TRMT44: variants seen among roughly 807,000 people sequenced by gnomAD.
TRMT44 encodes tRNA methyltransferase 44 homolog.
In TRMT44, 78 loss-of-function variants were observed where a neutral mutation model predicts 77.3. The observed-to-expected ratio is 1.01, with a 90% confidence interval of 0.84 to 1.22. The LOEUF is 1.22. TRMT44 is among the 50% of genes most tolerant of loss of function. The probability of loss-of-function intolerance (pLI) is 0.00; values close to 1 mark genes in which losing one functional copy is unlikely to be tolerated. For missense variants in TRMT44, 1,090 were observed against 964.4 expected, an observed-to-expected ratio of 1.13 and a Z score of -1.73; for synonymous variants, 391 against 383.3, an observed-to-expected ratio of 1.02 and a Z score of -0.23.
the TRMT44 span, among the ~76,000 whole-genome samples, chr4:8,505,735 C>G: frequency 1.3e-5 from 2 of 152,208 alleles, no homozygotes; most frequent in Non-Finnish European, 2.9e-5. Flanking sequence ...ACCCAAATGT[C>G]ATCTTGAATT....
chr4:8,449,053 T>A (rs1374836991), intron 2 of TRMT44, among the ~76,000 whole-genome samples: 1 of 152,228 alleles, frequency 6.6e-6, no homozygotes, highest in African/African-American at 2.4e-5. Context: ...CCGCCAGTCC[T>A]CCCAAGGATT....
Position 8,485,507 on chromosome 4 carries a change from C to T in TRMT44, n.3891+5974C>T, listed in dbSNP as rs1336583402. Among the ~76,000 whole-genome samples the T allele has an allele frequency of 2.0e-5, 3 of 152,078 alleles. No homozygotes were observed. In the East Asian group the frequency reaches 5.8e-4, roughly 29 times the overall value. On this transcript the variant is annotated intron_variant and non_coding_transcript_variant, in intron 2 of 2. Transcript: ENST00000511366. ...CAGGCTTTAATCCTTTTAAAGCGTG[C>T]TGTGGGATGGGATATTGGCATTGAG...
At position 8,469,325 on chromosome 4, in the gene TRMT44, C is replaced by G. The variant is rs1726825325; in HGVS notation, c.1927+979C>G. 2.0e-5 allele frequency among the ~76,000 whole-genome samples: 3 copies of G among 152,202 alleles called. No individual in the cohort carries two copies. In the South Asian group the frequency reaches 6.2e-4, roughly 31 times the overall value. On this transcript the variant is annotated intron_variant, in intron 9 of 10. Transcript: ENST00000389737. ...TGCAAACCACCAGGCACCGTGGGGC[C>G]TCTGGGTTGGCCCTGCTGACTAAAG...
At chr4:8,502,363 C>G in the TRMT44 span, among the ~76,000 whole-genome samples, 1 of 152,222 alleles carries the variant, frequency 6.6e-6, no homozygotes, top group African/African-American at 2.4e-5. Context: ...GAGGAAGCTT[C>G]TGAATATTTC....
rs1041677785 is a variant in TRMT44 at position 8,454,514 on chromosome 4, C to T, written c.1132-228C>T. 11 of 587,830 alleles carry T rather than the reference C, an allele frequency of 1.9e-5. No individual in the cohort carries two copies. The African/African-American group carries it at 2.1e-4, about 11-fold the overall frequency. 36.4% of individuals were successfully genotyped at this position (587,830 alleles called of 1,614,324 possible). On this transcript the variant is annotated intron_variant, in intron 5 of 10. Transcript: ENST00000389737. ...AGCTTGGTACCACCAGACTGGGCTGCAGGTTCCAGCTGTTGCTGCTAGCAG... is the reference window on the plus strand; with the variant it reads ...AGCTTGGTACCACCAGACTGGGCTGTAGGTTCCAGCTGTTGCTGCTAGCAG...
At chr4:8,492,635 A>G (rs938335856) in intron 2 of TRMT44, among the ~76,000 whole-genome samples, 2 of 152,196 alleles carry the variant, frequency 1.3e-5, no homozygotes, top group Non-Finnish European at 2.9e-5. Context: ...TAAAAAAGAT[A>G]GCTACTACGA....
At chr4:8,471,022 T>C (rs756107555) in intron 9 of TRMT44, 62 bp from the exon 10 acceptor site, 12 of 1,152,754 alleles carry the variant, frequency 1.0e-5, no homozygotes, top group Non-Finnish European at 1.5e-5. Flanking sequence ...TTTCTGCCTG[T>C]GTGACAGGTT....
intron 6 of TRMT44, among the ~76,000 whole-genome samples, chr4:8,463,618 G>A (rs918427126): frequency 3.9e-5 from 6 of 152,120 alleles, no homozygotes; most frequent in African/African-American, 1.2e-4. Flanking sequence ...CACTTCCTCC[G>A]AAGCCATTGC....
the TRMT44 span, among the ~76,000 whole-genome samples, chr4:8,499,460 C>T: frequency 1.3e-5 from 2 of 151,838 alleles, no homozygotes; most frequent in Non-Finnish European, 2.9e-5. Flanking sequence ...TTTGCCTTCC[C>T]TCTTCTTCAA....
chr4:8,481,965 AAGC>A (rs1727628171), intron 2 of TRMT44, among the ~76,000 whole-genome samples: 1 of 152,214 alleles, frequency 6.6e-6, no homozygotes, highest in Non-Finnish European at 1.5e-5. Flanking sequence ...ATTTGCCTGT[AAGC>A]AGATAAGGCA....
At position 8,465,577 on chromosome 4, in the gene TRMT44, A is replaced by G. The variant is rs375975725; in HGVS notation, c.1494+16A>G. ...AACCAAAAGAGTATGTCTGATTCTC[A>G]TGTTGTTCTAGGCGGTGTGTCGGTG... On this transcript the variant is annotated intron_variant, in intron 8 of 10. Transcript: ENST00000389737. 5 of 1,605,034 alleles carry G rather than the reference A, an allele frequency of 3.1e-6. No individual in the cohort carries two copies. Among genetic ancestry groups the G allele is most frequent in the African/African-American group, 1.3e-5 (1 of 74,694 alleles).
At chr4:8,488,338 G>C (rs1159846406) in intron 2 of TRMT44, among the ~76,000 whole-genome samples, 1 of 152,236 alleles carries the variant, frequency 6.6e-6, no homozygotes. Flanking sequence ...CCTGGGTGCA[G>C]GTGGGCTGAG....
chr4:8,490,017 G>T (rs1459369061), intron 2 of TRMT44, among the ~76,000 whole-genome samples: 1 of 152,138 alleles, frequency 6.6e-6, no homozygotes, highest in Admixed American at 6.5e-5. Flanking sequence ...TTTTTTGCAT[G>T]TCTGACACCC....
At chr4:8,467,803 A>G in intron 8 of TRMT44, 111 bp from the exon 9 acceptor site, 1 of 1,209,786 alleles carries the variant, frequency 8.3e-7, no homozygotes, top group Non-Finnish European at 1.2e-6. Flanking sequence ...GGATTTTTTC[A>G]TGATAGACAT....
chr4:8,454,002 A>G (rs1454432302), intron 5 of TRMT44, among the ~76,000 whole-genome samples: 1 of 152,204 alleles, frequency 6.6e-6, no homozygotes, highest in Non-Finnish European at 1.5e-5. Flanking sequence ...GTAGTGTATC[A>G]GGTGGCAGCT....
intron 9 of TRMT44, among the ~76,000 whole-genome samples, chr4:8,470,364 C>G (rs1006102020): frequency 6.6e-6 from 1 of 152,226 alleles, no homozygotes; most frequent in Non-Finnish European, 1.5e-5. Context: ...CCTCCGCTCT[C>G]CTGCAGCTTG....
chr4:8,449,939 CTTTTCTTTTCTTTTT>C, intron 3 of TRMT44, 51 bp downstream of exon 3: 1 of 383,094 alleles, frequency 2.6e-6, no homozygotes, highest in Non-Finnish European at 3.7e-6. Flanking sequence ...ATTTTCTTTT[CTTTTCTTTTCTTTTT>C]TTTTTTTTTT....
chr4:8,504,957 G>A, the TRMT44 span, among the ~76,000 whole-genome samples: 2 of 152,032 alleles, frequency 1.3e-5, no homozygotes, highest in Non-Finnish European at 2.9e-5. This position sits in a 1 kb window ranked among gnomAD's most constrained non-coding sequence, Gnocchi z 5.3. Flanking sequence ...GCTGATTCTG[G>A]TCATTACTCA....
chr4:8,494,120 C>G (rs1728089040), downstream of TRMT44, among the ~76,000 whole-genome samples: 1 of 151,308 alleles, frequency 6.6e-6, no homozygotes, highest in Non-Finnish European at 1.5e-5. Flanking sequence ...AATCTCGGGA[C>G]CCCCAAATCA....
Sources: gnomAD v4.1 joint callset for allele counts (sites outside exome capture counted in the v4.1 genomes callset) on GRCh38, gnomAD v4.1.1 for gene constraint, Gnocchi (gnomAD v3.1) non-coding constraint, MANE v1.5 for transcripts, NCBI Gene and HGNC (gene_info 2026-07-23, HGNC 2026-07-21) for gene names.